The following DMBX1 variants were observed in gnomAD, a reference collection of about 807,000 sequenced individuals.
DMBX1 encodes the protein diencephalon/mesencephalon homeobox 1.
A neutral mutation model predicts 30.4 loss-of-function variants in DMBX1; 7 were observed. The ratio of observed to expected loss-of-function variants is 0.23; its 90% CI spans 0.13 to 0.43. DMBX1 has a LOEUF of 0.43. DMBX1 is among the 20% of genes least tolerant of loss of function. DMBX1 has a pLI of 1.00. For missense variants in DMBX1, 460 were observed against 508.5 expected, an observed-to-expected ratio of 0.90 and a Z score of 0.92; for synonymous variants, 222 against 214.2, an observed-to-expected ratio of 1.04 and a Z score of -0.32.
At chr1:46,508,967 G>A (rs962383916) in intron 3 of DMBX1, among the ~76,000 whole-genome samples, 7 of 152,134 alleles carry the variant, frequency 4.6e-5, no homozygotes, top group African/African-American at 7.2e-5. Context: ...TCAGGCCTAG[G>A]ATTAAGGTCA....
At chr1:46,505,769 A>T (rs1239219614) in intron 2 of DMBX1, among the ~76,000 whole-genome samples, 2 of 149,616 alleles carry the variant, frequency 1.3e-5, no homozygotes, top group Non-Finnish European at 3.0e-5. Context: ...AAAAAAATAA[A>T]ACATTAACTT....
intron 1 of DMBX1, among the ~76,000 whole-genome samples, chr1:46,490,186 CAGAA>C (rs1314319828): frequency 3.9e-5 from 6 of 152,090 alleles, no homozygotes; most frequent in African/African-American, 1.2e-4. Flanking sequence ...CTTAGGGAGA[CAGAA>C]AGAGCGCAGA....
chr1:46,515,753 G>A lies in DMBX1; in HGVS notation c.*3259G>A, dbSNP rs1476464724. ...AGGGTACAGGCCCACCACACCTGAT[G>A]CTGGAGCCCCTCCCAGGCCTGCTGG... On this transcript the variant is annotated 3_prime_UTR_variant, in exon 6 of 6. Coordinates refer to ENST00000360032, the MANE Select transcript of DMBX1 (RefSeq NM_172225.2). Among the ~76,000 whole-genome samples the A allele has an allele frequency of 6.6e-6, 1 of 152,224 alleles. No homozygotes were observed. The highest frequency in any genetic ancestry group is 2.4e-5 in the African/African-American group (1 of 41,466).
chr1:46,502,885 T>TA (rs1164711293), intron 2 of DMBX1, among the ~76,000 whole-genome samples: 38 of 150,924 alleles, frequency 2.5e-4, no homozygotes, highest in Middle Eastern at 3.4e-3. Flanking sequence ...GTCTCAGAAA[T>TA]AAAAAAAACA....
In DMBX1 at chr1:46,512,428, C is replaced by T. The variant is rs369949886; in HGVS notation, c.1068C>T (p.Ile356=). 7.0e-5 allele frequency: 113 copies of T among 1,613,868 alleles called. No homozygotes were observed. In the African/African-American group the frequency reaches 1.2e-3, roughly 18 times the overall value. The change falls in exon 6 of 6, where the codon ATC becomes ATT. Residue 356 remains isoleucine, a synonymous_variant. Transcript: ENST00000360032. The surrounding 1 kb of genome is among the most constrained non-coding windows in gnomAD (Gnocchi z 4.8). Reference sequence around the variant, plus strand: ...CCCTGAACAGTAAAACCACAAGCATCGAGAACCTGCGGCTCCGGGCCAAGC... The same window carrying T: ...CCCTGAACAGTAAAACCACAAGCATTGAGAACCTGCGGCTCCGGGCCAAGC... ...SATLNSKTTS[I]ENLRLRAKQH... is the part of the protein sequence containing the mutation.
At chr1:46,497,795 G>T (rs917985437) in intron 2 of DMBX1, among the ~76,000 whole-genome samples, 4 of 152,240 alleles carry the variant, frequency 2.6e-5, no homozygotes, top group Admixed American at 2.6e-4. Flanking sequence ...TCTATATGGC[G>T]CCTGTGGCGG....
Position 46,512,185 on chromosome 1 carries a change from G to A in DMBX1, c.825G>A (p.Leu275=). ...AGCACATGGCGGCCACCAACAACCT[G>A]GTGCACTACTCGTCCTTCGAAGTAG... is the stretch of plus-strand genomic sequence containing the variant. ...FRQHMAATNN[L]VHYSSFEVGG... is the part of the protein sequence containing the mutation. The change falls in exon 6 of 6, where the codon CTG becomes CTA. Residue 275 remains leucine, a synonymous_variant. Coordinates refer to ENST00000360032, the MANE Select transcript of DMBX1 (RefSeq NM_172225.2). The surrounding 1 kb of genome is among the most constrained non-coding windows in gnomAD (Gnocchi z 4.8). 6.2e-7 allele frequency: 1 copy of A among 1,614,042 alleles called. No individual in the cohort carries two copies.
intron 2 of DMBX1, among the ~76,000 whole-genome samples, chr1:46,494,681 G>A (rs1665995761): frequency 6.6e-6 from 1 of 152,148 alleles, no homozygotes; most frequent in Non-Finnish European, 1.5e-5. Context: ...GAATTTATGA[G>A]CTCTGTGTGC....
intron 2 of DMBX1, among the ~76,000 whole-genome samples, chr1:46,498,296 G>A (rs1399458122): frequency 6.6e-6 from 1 of 152,244 alleles, no homozygotes; most frequent in Non-Finnish European, 1.5e-5. Flanking sequence ...ATCCTGGGCT[G>A]TGGTGGTCCT....
chr1:46,508,673 C>G (rs927695624), intron 3 of DMBX1, among the ~76,000 whole-genome samples: 3 of 152,170 alleles, frequency 2.0e-5, no homozygotes, highest in Non-Finnish European at 2.9e-5. Flanking sequence ...CTGGGGTGTT[C>G]AGCCCACCCC....
rs1415909702 is a variant in DMBX1 at position 46,491,033 on chromosome 1, T to G, written c.-13+250T>G. ...GACGGCGACAGGCCAGGGGCCCTGATGGACTGTGCAGGGTCCCGGGCACCA... is the reference window on the plus strand; with the variant it reads ...GACGGCGACAGGCCAGGGGCCCTGAGGGACTGTGCAGGGTCCCGGGCACCA... On this transcript the variant is annotated intron_variant, in intron 2 of 5. Transcript: ENST00000360032. The surrounding 1 kb of genome is among the most constrained non-coding windows in gnomAD (Gnocchi z 5.5). Among the ~76,000 whole-genome samples, 4 of 152,220 alleles carry G rather than the reference T, an allele frequency of 2.6e-5. No individual in the cohort carries two copies. Among genetic ancestry groups the G allele is most frequent in the Admixed American group, 1.3e-4 (2 of 15,282 alleles).
intron 3 of DMBX1, among the ~76,000 whole-genome samples, chr1:46,509,488 T>A (rs1666310357): frequency 6.6e-6 from 1 of 152,122 alleles, no homozygotes; most frequent in Non-Finnish European, 1.5e-5. Flanking sequence ...CAGGGCAGGA[T>A]CCACTTATGA....
At chr1:46,501,219 T>TTTCTTTCC (rs1557786033) in intron 2 of DMBX1, among the ~76,000 whole-genome samples, 1 of 57,492 alleles carries the variant, frequency 1.7e-5, no homozygotes, top group Non-Finnish European at 3.8e-5. Context: ...CCTTCCTTTC[T>TTTCTTTCC]TTCTTTCTTT....
At chr1:46,500,242 A>G (rs1197071361) in intron 2 of DMBX1, among the ~76,000 whole-genome samples, 2 of 152,054 alleles carry the variant, frequency 1.3e-5, no homozygotes, top group African/African-American at 4.8e-5. Flanking sequence ...GGGATGGGGC[A>G]ATTGTGGGGC....
At chr1:46,494,486 A>T (rs955009285) in intron 2 of DMBX1, among the ~76,000 whole-genome samples, 2 of 152,082 alleles carry the variant, frequency 1.3e-5, no homozygotes, top group African/African-American at 4.8e-5. Flanking sequence ...GGACCAAGGG[A>T]TAATTGGATG....
chr1:46,499,119 C>T (rs888565340), intron 2 of DMBX1, among the ~76,000 whole-genome samples: 4 of 151,964 alleles, frequency 2.6e-5, no homozygotes, highest in Non-Finnish European at 4.4e-5. Flanking sequence ...TCACTGCAAC[C>T]TCCGCCTCCC....
intron 2 of DMBX1, among the ~76,000 whole-genome samples, chr1:46,505,885 C>T (rs867300440): frequency 2.6e-5 from 4 of 151,652 alleles, no homozygotes; most frequent in South Asian, 4.2e-4. Context: ...TTTCTCTGAG[C>T]CTCAGTAGAC....
In DMBX1 at chr1:46,491,268, C is replaced by T. The variant is rs1400345189; in HGVS notation, c.-13+485C>T. Among the ~76,000 whole-genome samples the T allele has an allele frequency of 6.6e-6, 1 of 152,106 alleles. No individual in the cohort carries two copies. Among genetic ancestry groups the T allele is most frequent in the East Asian group, 1.9e-4 (1 of 5,188 alleles). On this transcript the variant is annotated intron_variant, in intron 2 of 5. Transcript: ENST00000360032. The surrounding 1 kb of genome is among the most constrained non-coding windows in gnomAD (Gnocchi z 5.5). ...TGTGATTTGCGGCAGGAAGGAGTCC[C>T]GGAATGGAAGAACGGGGAGGACGAG... is the stretch of plus-strand genomic sequence containing the variant.
At chr1:46,511,778 A>G (rs1294306898) in intron 5 of DMBX1, among the ~76,000 whole-genome samples, 1 of 151,654 alleles carries the variant, frequency 6.6e-6, no homozygotes, top group Non-Finnish European at 1.5e-5. Context: ...GGGGAGGGGG[A>G]AGTTTACAGC....
Sources: gnomAD v4.1 joint callset for allele counts (sites outside exome capture counted in the v4.1 genomes callset) on GRCh38, gnomAD v4.1.1 for gene constraint, Gnocchi (gnomAD v3.1) non-coding constraint, MANE v1.5 for transcripts, NCBI Gene and HGNC (gene_info 2026-07-23, HGNC 2026-07-21) for gene names.